Variants in RALYL observed in about 807,000 individuals in gnomAD.
RALYL encodes RNA-binding Raly-like protein.
In RALYL, 29 loss-of-function variants were observed where a neutral mutation model predicts 35.1. The observed-to-expected ratio is 0.83, with a 90% CI of 0.61 to 1.13. The LOEUF is 1.13. RALYL is among the 50% of genes most tolerant of loss of function. The pLI is 0.00. For missense variants in RALYL, 359 were observed against 360.4 expected (o/e 1.00, Z 0.03); for synonymous variants, 120 against 127.6 (o/e 0.94, Z 0.40).
chr8:84,844,477 T>A (rs1403522705), intron 4 of RALYL, among the ~76,000 whole-genome samples: 3 of 152,160 alleles, frequency 2.0e-5, no homozygotes, highest in Non-Finnish European at 4.4e-5. Flanking sequence ...CAACAGGTGC[T>A]GGAGAGGATG....
At chr8:84,674,978 TA>T (rs557848615) in intron 2 of RALYL, among the ~76,000 whole-genome samples, 393 of 142,704 alleles carry the variant, frequency 2.8e-3, no homozygotes, top group East Asian at 3.8e-3. Flanking sequence ...AGTGCAGATG[TA>T]AAAAAAAAAA....
In RALYL at chr8:84,921,762, G is replaced by A. The variant is rs1849332882; in HGVS notation, c.*851G>A. 1 of 152,158 alleles carries A rather than the reference G, an allele frequency of 6.6e-6. No individual in the cohort carries two copies. Among genetic ancestry groups the A allele is most frequent in the Non-Finnish European group, 1.5e-5 (1 of 68,020 alleles). 9.4% of individuals were successfully genotyped at this position (152,158 alleles called of 1,614,324 possible). A position where few individuals can be genotyped will look rare whatever the true frequency, so the allele number is the denominator to read the frequency against. On this transcript the variant is annotated 3_prime_UTR_variant, in exon 9 of 9. Coordinates refer to ENST00000521268, the MANE Select transcript of RALYL (RefSeq NM_173848.7). ...AATCTTAGCTGTTGTCTTGTGCTGTGGAAATGGAAGAAACCATCTTCACAG... is the reference window on the plus strand; with the variant it reads ...AATCTTAGCTGTTGTCTTGTGCTGTAGAAATGGAAGAAACCATCTTCACAG...
At chr8:84,447,534 C>T (rs1253676523) in intron 1 of RALYL, among the ~76,000 whole-genome samples, 1 of 152,024 alleles carries the variant, frequency 6.6e-6, no homozygotes, top group African/African-American at 2.4e-5. Context: ...GAGAGTAAAT[C>T]AGTCTCAGGC....
At chr8:84,605,597 A>G (rs75987042) in intron 2 of RALYL, among the ~76,000 whole-genome samples, 1 of 152,078 alleles carries the variant, frequency 6.6e-6, no homozygotes, top group Non-Finnish European at 1.5e-5. Flanking sequence ...ACTCAGGCAG[A>G]TAGGTTCTAT....
At chr8:84,423,221 A>G (rs1349005501) in intron 1 of RALYL, among the ~76,000 whole-genome samples, 1 of 151,486 alleles carries the variant, frequency 6.6e-6, no homozygotes, top group Non-Finnish European at 1.5e-5. Context: ...TGCTTTATGA[A>G]TCTGGGTGCT....
intron 1 of RALYL, among the ~76,000 whole-genome samples, chr8:84,247,768 T>G (rs1430138325): frequency 6.6e-6 from 1 of 152,168 alleles, no homozygotes; most frequent in Non-Finnish European, 1.5e-5. Context: ...CAGCTCACCA[T>G]CTGCTCACAG....
intron 1 of RALYL, among the ~76,000 whole-genome samples, chr8:84,450,322 G>T (rs1457433637): frequency 2.6e-5 from 4 of 151,758 alleles, no homozygotes; most frequent in Admixed American, 2.6e-4. Flanking sequence ...GTCCAGTGAA[G>T]AATTAAACTA....
At position 84,435,039 on chromosome 8, in the gene RALYL, C is replaced by T. The variant is rs184607969; in HGVS notation, c.-23-94260C>T. On this transcript the variant is annotated intron_variant, in intron 1 of 8. Coordinates refer to ENST00000521268, the MANE Select transcript of RALYL (RefSeq NM_173848.7). The stretch of plus-strand genomic sequence containing the variant: ...ACATGACCTCTTCAATTGCTCCATT[C>T]GGCTTTTAGATGGAAGGAGAATGCA... Among the ~76,000 whole-genome samples, 193 of 152,168 alleles carry T rather than the reference C, an allele frequency of 1.3e-3. 2 individuals are homozygous for T. The highest frequency in any genetic ancestry group is 3.8e-3 in the African/African-American group (157 of 41,526).
Position 84,657,986 on chromosome 8 carries a change from A to G in RALYL, c.257-116593A>G, listed in dbSNP as rs958631487. Among the ~76,000 whole-genome samples, 4 of 152,162 alleles carry G rather than the reference A, an allele frequency of 2.6e-5. No homozygotes were observed. In the South Asian group the frequency reaches 8.3e-4, roughly 31 times the overall value. ...ATTCTGTCTTGGTCAAGGGGATCTC[A>G]GGGAAAGCTTGGAAGTTGAGTTCCC... On this transcript the variant is annotated intron_variant, in intron 2 of 8. Transcript: ENST00000521268.
chr8:84,407,425 A>G (rs2043653424), intron 1 of RALYL, among the ~76,000 whole-genome samples: 1 of 152,200 alleles, frequency 6.6e-6, no homozygotes, highest in South Asian at 2.1e-4. Flanking sequence ...CAATGAGTGA[A>G]TGAAGGAATC....
chr8:84,664,653 C>A (rs1473780492), intron 2 of RALYL, among the ~76,000 whole-genome samples: 1 of 151,936 alleles, frequency 6.6e-6, no homozygotes, highest in African/African-American at 2.4e-5. Context: ...TATCTGGATG[C>A]TAGTGATTTT....
intron 2 of RALYL, among the ~76,000 whole-genome samples, chr8:84,749,396 G>C (rs1348915724): frequency 6.6e-6 from 1 of 152,018 alleles, no homozygotes; most frequent in Non-Finnish European, 1.5e-5. Flanking sequence ...CACTCCTTTT[G>C]AGTCTAGTAT....
chr8:84,517,418 T>A (rs2058148321), intron 1 of RALYL, among the ~76,000 whole-genome samples: 1 of 152,204 alleles, frequency 6.6e-6, no homozygotes, highest in South Asian at 2.1e-4. Flanking sequence ...CAACCAAGGC[T>A]GTTATATGTC....
intron 2 of RALYL, among the ~76,000 whole-genome samples, chr8:84,610,928 C>CA (rs147883828): frequency 0.19 from 29,542 of 151,908 alleles, 3,114 homozygotes; most frequent in Non-Finnish European, 0.23. Flanking sequence ...TGTGGCAGTA[C>CA]AAGATGCTCC....
intron 2 of RALYL, among the ~76,000 whole-genome samples, chr8:84,750,742 C>T (rs1809778842): frequency 6.6e-6 from 1 of 152,078 alleles, no homozygotes; most frequent in East Asian, 1.9e-4. Flanking sequence ...ACCTAGCATG[C>T]TCAGCCCCCT....
chr8:84,842,572 T>G (rs1833671017), intron 4 of RALYL, among the ~76,000 whole-genome samples: 1 of 152,218 alleles, frequency 6.6e-6, no homozygotes, highest in Non-Finnish European at 1.5e-5. Flanking sequence ...CTTCTGAAAC[T>G]ATTCCAATCA....
chr8:84,704,332 G>A (rs1403890460), intron 2 of RALYL, among the ~76,000 whole-genome samples: 2 of 152,014 alleles, frequency 1.3e-5, no homozygotes, highest in Non-Finnish European at 2.9e-5. Flanking sequence ...GGCTGAGGCA[G>A]GAGAATCGCT....
chr8:84,468,448 C>A (rs947058712), intron 1 of RALYL, among the ~76,000 whole-genome samples: 6 of 150,520 alleles, frequency 4.0e-5, no homozygotes, highest in African/African-American at 1.2e-4. Flanking sequence ...AAATTCTTTT[C>A]TTTAAGAATG....
intron 1 of RALYL, among the ~76,000 whole-genome samples, chr8:84,464,122 T>A (rs1315683172): frequency 7.0e-6 from 1 of 142,686 alleles, no homozygotes; most frequent in Non-Finnish European, 1.5e-5. Context: ...TTTAAAAACA[T>A]TAAAACAAGT....
Sources: allele counts gnomAD v4.1 joint callset (sites outside exome capture counted in the v4.1 genomes callset), GRCh38; gene constraint gnomAD v4.1.1; transcripts MANE v1.5; gene names NCBI Gene and HGNC (gene_info 2026-07-23, HGNC 2026-07-21).